EDAR: variants seen among roughly 807,000 people sequenced by gnomAD.
EDAR encodes the protein ectodysplasin A receptor.
EDAR carries 38 observed loss-of-function variants against 51.3 expected under a neutral mutation model. That is an observed-to-expected ratio of 0.74 (90% CI 0.57 to 0.97). The LOEUF (loss-of-function observed/expected upper bound fraction) is 0.97, where lower values mean the gene tolerates loss of function less well. EDAR is among the 50% of genes least tolerant of loss of function. EDAR has a pLI of 0.00. For synonymous variants in EDAR, 227 were observed against 242.1 expected (o/e 0.94, Z 0.58); for missense variants, 528 against 595.0 (o/e 0.89, Z 1.17).
chr2:108,939,903 CT>C (rs1376738665), intron 1 of EDAR, among the ~76,000 whole-genome samples: 1 of 152,194 alleles, frequency 6.6e-6, no homozygotes, highest in Non-Finnish European at 1.5e-5. Context: ...AAGTTGGCAC[CT>C]TAAAGTATTT....
intron 6 of EDAR, among the ~76,000 whole-genome samples, chr2:108,912,003 A>T (rs1363322394): frequency 6.6e-6 from 1 of 152,202 alleles, no homozygotes; most frequent in African/African-American, 2.4e-5. Flanking sequence ...TGCAAATGAG[A>T]TTCATATATC....
chr2:108,927,383 A>G (rs1697276339), intron 4 of EDAR, among the ~76,000 whole-genome samples: 1 of 152,194 alleles, frequency 6.6e-6, no homozygotes, highest in South Asian at 2.1e-4. Context: ...ATGGCTGTCC[A>G]CATTCGCCTG....
At chr2:108,923,347 T>G in intron 5 of EDAR, 21 bp downstream of exon 5, 1 of 1,611,088 alleles carries the variant, frequency 6.2e-7, no homozygotes. Flanking sequence ...ACCGTGCTGG[T>G]GGAAGGACAA....
intron 1 of EDAR, among the ~76,000 whole-genome samples, chr2:108,976,590 T>C (rs925036753): frequency 3.3e-5 from 5 of 152,368 alleles, no homozygotes; most frequent in African/African-American, 1.2e-4. Context: ...CTGGAGTTCC[T>C]CTGCACGGGA....
At chr2:108,902,219 A>G (rs980819253) in intron 11 of EDAR, among the ~76,000 whole-genome samples, 1 of 151,982 alleles carries the variant, frequency 6.6e-6, no homozygotes, top group African/African-American at 2.4e-5. Flanking sequence ...AAAAAAAAAA[A>G]AAAAAATTAG....
At chr2:108,987,617 G>A (rs1226796351) in intron 1 of EDAR, among the ~76,000 whole-genome samples, 1 of 152,204 alleles carries the variant, frequency 6.6e-6, no homozygotes, top group African/African-American at 2.4e-5. Context: ...CCAAAGACTG[G>A]TCCTTCCAAG....
At chr2:108,977,361 C>T (rs1314348471) in intron 1 of EDAR, among the ~76,000 whole-genome samples, 5 of 152,194 alleles carry the variant, frequency 3.3e-5, no homozygotes, top group East Asian at 1.9e-4. Flanking sequence ...CTGCGCCTCC[C>T]GGGTTCACGC....
chr2:108,901,174 A>T (rs1696690961), intron 11 of EDAR, among the ~76,000 whole-genome samples: 1 of 152,254 alleles, frequency 6.6e-6, no homozygotes. Flanking sequence ...ATAGAATCAG[A>T]ATATAAATAT....
At chr2:108,913,875 A>G (rs1696978479) in intron 5 of EDAR, among the ~76,000 whole-genome samples, 2 of 148,660 alleles carry the variant, frequency 1.3e-5, no homozygotes, top group South Asian at 2.2e-4. Context: ...GCGTGAACCC[A>G]GGAGGCGGAG....
At chr2:108,943,523 AAG>A (rs1183254618) in intron 1 of EDAR, among the ~76,000 whole-genome samples, 3 of 152,224 alleles carry the variant, frequency 2.0e-5, no homozygotes, top group Non-Finnish European at 2.9e-5. Flanking sequence ...CTTTTTGAAA[AAG>A]AGATTGCTGG....
intron 1 of EDAR, among the ~76,000 whole-genome samples, chr2:108,932,518 G>A (rs1697384906): frequency 8.8e-6 from 1 of 113,160 alleles, no homozygotes; most frequent in South Asian, 3.1e-4. Flanking sequence ...GACAGAGTGA[G>A]ACTCTGTCTC....
intron 1 of EDAR, among the ~76,000 whole-genome samples, chr2:108,941,962 G>A (rs1357840602): frequency 6.6e-6 from 1 of 152,208 alleles, no homozygotes; most frequent in African/African-American, 2.4e-5. Context: ...TCCATGCCAC[G>A]GTTCCCTGCT....
At chr2:108,911,184 G>A (rs1574372502) in intron 6 of EDAR, 112 bp from the exon 7 acceptor site, 1 of 1,370,328 alleles carries the variant, frequency 7.3e-7, no homozygotes, top group Non-Finnish European at 1.0e-6. Flanking sequence ...TGCTTTCAGG[G>A]AACCCTGAAA....
chr2:108,956,461 C>A (rs543403948), intron 1 of EDAR, among the ~76,000 whole-genome samples: 20 of 152,328 alleles, frequency 1.3e-4, no homozygotes, highest in African/African-American at 4.8e-4. Context: ...ACTAGCACTG[C>A]ACCAAGAGTC....
At chr2:108,944,066 CG>C (rs1697665933) in intron 1 of EDAR, among the ~76,000 whole-genome samples, 1 of 152,208 alleles carries the variant, frequency 6.6e-6, no homozygotes, top group Non-Finnish European at 1.5e-5. Context: ...TATCCAGCCA[CG>C]TAGGAGCAAA....
chr2:108,958,838 T>G (rs1343015361), intron 1 of EDAR, among the ~76,000 whole-genome samples: 7 of 152,232 alleles, frequency 4.6e-5, no homozygotes, highest in Admixed American at 1.3e-4. Flanking sequence ...CAGCCAGAGA[T>G]AGTGGGCTCT....
chr2:108,965,333 T>C (rs995378534), intron 1 of EDAR, among the ~76,000 whole-genome samples: 5 of 151,918 alleles, frequency 3.3e-5, no homozygotes, highest in African/African-American at 7.3e-5. Flanking sequence ...AAAACAAAAT[T>C]AGCTGGGCGT....
At chr2:108,945,592 G>A (rs1428420202) in intron 1 of EDAR, among the ~76,000 whole-genome samples, 3 of 151,934 alleles carry the variant, frequency 2.0e-5, no homozygotes, top group Non-Finnish European at 2.9e-5. Flanking sequence ...CCAGGAAAAA[G>A]GACTGGAAAT....
At chr2:108,952,792 C>A (rs899213938) in intron 1 of EDAR, among the ~76,000 whole-genome samples, 1 of 152,186 alleles carries the variant, frequency 6.6e-6, no homozygotes, top group Non-Finnish European at 1.5e-5. Flanking sequence ...ATATGCCAGA[C>A]ATCGTAATGA....
Sources: allele counts gnomAD v4.1 joint callset (sites outside exome capture counted in the v4.1 genomes callset), GRCh38; gene constraint gnomAD v4.1.1; transcripts MANE v1.5; gene names NCBI Gene and HGNC (gene_info 2026-07-23, HGNC 2026-07-21).